Variants in ZFPM1 observed in about 807,000 individuals in gnomAD.
ZFPM1 encodes the protein zinc finger protein ZFPM1.
ZFPM1 carries 28 observed loss-of-function variants against 46.3 expected under a neutral mutation model. The observed-to-expected ratio is 0.60, with a 90% CI of 0.45 to 0.83. The LOEUF (loss-of-function observed/expected upper bound fraction) is 0.83. Ranked by LOEUF, ZFPM1 falls within the 40% of genes least tolerant of loss-of-function variation. The pLI is 0.00. For missense variants in ZFPM1, 1,878 were observed against 1,432.4 expected (o/e 1.31, Z -5.02); for synonymous variants, 957 against 675.9 (o/e 1.42, Z -6.45).
chr16:88,481,648 C>T (rs750344182), intron 1 of ZFPM1, among the ~76,000 whole-genome samples: 6 of 152,082 alleles, frequency 3.9e-5, no homozygotes, highest in Non-Finnish European at 8.8e-5. Flanking sequence ...CCCGTACTGT[C>T]CTCATACCCC....
At chr16:88,491,282 C>T (rs1205310488) in intron 3 of ZFPM1, among the ~76,000 whole-genome samples, 4 of 152,276 alleles carry the variant, frequency 2.6e-5, no homozygotes, top group African/African-American at 7.2e-5. Context: ...AGGCCCCCCT[C>T]GGGCCCGCAG....
chr16:88,491,084 A>AGGCGCTGGTGCCTTCGCCGGTCCCG (rs1567536507), intron 3 of ZFPM1, among the ~76,000 whole-genome samples: 2 of 149,298 alleles, frequency 1.3e-5, no homozygotes, highest in African/African-American at 2.5e-5. Flanking sequence ...CGCGGGTCCC[A>AGGCGCTGGTGCCTTCGCCGGTCCCG]GTCAGGCGCT....
chr16:88,508,583 G>A (rs934454596), intron 3 of ZFPM1, among the ~76,000 whole-genome samples: 3 of 152,220 alleles, frequency 2.0e-5, no homozygotes, highest in African/African-American at 7.2e-5. Context: ...TGTGGCCTTC[G>A]GTGCCTGCCG....
At chr16:88,498,971 A>G (rs1910095941) in intron 3 of ZFPM1, among the ~76,000 whole-genome samples, 2 of 152,266 alleles carry the variant, frequency 1.3e-5, no homozygotes, top group South Asian at 4.1e-4. Flanking sequence ...CTGCACCACC[A>G]GACCCCAGGC....
intron 1 of ZFPM1, among the ~76,000 whole-genome samples, chr16:88,455,065 TC>T (rs1248129074): frequency 1.3e-5 from 2 of 152,046 alleles, no homozygotes; most frequent in Non-Finnish European, 2.9e-5. Flanking sequence ...CACCCACAGG[TC>T]CCGATCCGCG....
intron 4 of ZFPM1, among the ~76,000 whole-genome samples, chr16:88,521,108 A>C (rs1368463542): frequency 6.7e-6 from 1 of 148,778 alleles, no homozygotes; most frequent in African/African-American, 2.5e-5. Flanking sequence ...GATGATGGAC[A>C]GGTGGATGGA....
chr16:88,515,483 C>T (rs927580966), intron 4 of ZFPM1, among the ~76,000 whole-genome samples: 4 of 152,268 alleles, frequency 2.6e-5, no homozygotes, highest in Non-Finnish European at 4.4e-5. Context: ...CTTCCTTTTA[C>T]GTCTGAGCCT....
Position 88,535,188 on chromosome 16 carries a change from C to T in ZFPM1, c.*209C>T, listed in dbSNP as rs971648505. The T allele has an allele frequency of 6.0e-6, 3 of 503,008 alleles. No homozygotes were observed. Among genetic ancestry groups the T allele is most frequent in the South Asian group, 6.8e-5 (1 of 14,720 alleles). 31.2% of individuals were successfully genotyped at this position (503,008 alleles called of 1,614,324 possible). ...AGCATGGTGGTGGGCCAGCCTAGTT[C>T]TCTGAGCCAGCAGGCACACGCAGCC... On this transcript the variant is annotated 3_prime_UTR_variant, in exon 10 of 10. Transcript: ENST00000319555.
chr16:88,484,012 G>A (rs186180397), intron 1 of ZFPM1, among the ~76,000 whole-genome samples: 2 of 152,200 alleles, frequency 1.3e-5, no homozygotes, highest in African/African-American at 2.4e-5. Flanking sequence ...CGGGTGGCAC[G>A]TTTCTTACTG....
upstream of ZFPM1, among the ~76,000 whole-genome samples, chr16:88,452,155 A>G (rs1225995353): frequency 1.3e-5 from 2 of 152,162 alleles, no homozygotes; most frequent in African/African-American, 2.4e-5. Flanking sequence ...GCAGGTAGCA[A>G]GTGTAGACCG....
chr16:88,509,627 G>A (rs1291587287), intron 3 of ZFPM1, among the ~76,000 whole-genome samples: 6 of 152,206 alleles, frequency 3.9e-5, no homozygotes, highest in Non-Finnish European at 8.8e-5. Flanking sequence ...CTGGGGAGGC[G>A]GGCGGCTGAG....
chr16:88,526,735 A>G, intron 4 of ZFPM1, 79 bp from the exon 5 acceptor site: 8 of 1,458,660 alleles, frequency 5.5e-6, no homozygotes, highest in Non-Finnish European at 6.5e-6. Context: ...CGTGTCACAG[A>G]TGCCCCACAT....
chr16:88,473,027 G>A (rs1567529862), intron 1 of ZFPM1, among the ~76,000 whole-genome samples: 2 of 152,260 alleles, frequency 1.3e-5, no homozygotes, highest in Non-Finnish European at 2.9e-5. Flanking sequence ...AGGTCTGGGC[G>A]CAGGCCCTGC....
chr16:88,454,686 G>T (rs1286607788), intron 1 of ZFPM1, among the ~76,000 whole-genome samples: 1 of 152,252 alleles, frequency 6.6e-6, no homozygotes, highest in Non-Finnish European at 1.5e-5. Context: ...CAAGAGCACA[G>T]GAAGCTACCC....
At position 88,501,334 on chromosome 16, in the gene ZFPM1, C is replaced by CG. The variant is rs1555525663; in HGVS notation, c.268+12185dup. ...ATGATGGAGATAGCAGACATGGGTG[C>CG]GGGGCCCTCCCGCAGGTGCTGGTGA... On this transcript the variant is annotated intron_variant, in intron 3 of 9. Coordinates refer to ENST00000319555, the MANE Select transcript of ZFPM1 (RefSeq NM_153813.3). Among the ~76,000 whole-genome samples, 121 of 75,392 alleles carry CG rather than the reference C, an allele frequency of 1.6e-3. 1 individual carries two copies. The highest frequency in any genetic ancestry group is 2.9e-3 in the African/African-American group (41 of 14,058). 49.5% of individuals were successfully genotyped at this position (75,392 alleles called of 152,430 possible). A position where few individuals can be genotyped will look rare whatever the true frequency, so the allele number is the denominator to read the frequency against.
rs573012675 is a variant in ZFPM1 at position 88,477,471 on chromosome 16, AG to A, written c.41-8467del. Among the ~76,000 whole-genome samples the A allele has an allele frequency of 8.4e-4, 128 of 152,336 alleles. 1 individual carries two copies. In the South Asian group the frequency reaches 0.025, roughly 30 times the overall value. ...TCCAGCAAACTTTCCTGCCTTTAAAAGCCAAACATGGCTGGGTGCAGTGGCT... is the reference window on the plus strand; with the variant it reads ...TCCAGCAAACTTTCCTGCCTTTAAAACCAAACATGGCTGGGTGCAGTGGCT... On this transcript the variant is annotated intron_variant, in intron 1 of 9. Coordinates refer to ENST00000319555, the MANE Select transcript of ZFPM1 (RefSeq NM_153813.3).
At chr16:88,507,098 A>G (rs1203650463) in intron 3 of ZFPM1, among the ~76,000 whole-genome samples, 1 of 152,126 alleles carries the variant, frequency 6.6e-6, no homozygotes, top group African/African-American at 2.4e-5. Context: ...CCACTACCCA[A>G]GGGGTGGGAT....
intron 1 of ZFPM1, among the ~76,000 whole-genome samples, chr16:88,483,404 G>C (rs1403027933): frequency 2.0e-5 from 3 of 152,086 alleles, no homozygotes; most frequent in African/African-American, 7.2e-5. Context: ...AGCACACCCT[G>C]GCCCCCGACC....
At chr16:88,515,227 G>C (rs867395692) in intron 4 of ZFPM1, among the ~76,000 whole-genome samples, 36 of 152,346 alleles carry the variant, frequency 2.4e-4, no homozygotes, top group African/African-American at 8.7e-4. Context: ...GCGGCATAGG[G>C]TCTGGGGCCT....
Sources: allele counts gnomAD v4.1 joint callset (sites outside exome capture counted in the v4.1 genomes callset), GRCh38; gene constraint gnomAD v4.1.1; transcripts MANE v1.5; gene names NCBI Gene and HGNC (gene_info 2026-07-23, HGNC 2026-07-21).